The following SYT16 variants were observed in gnomAD, a reference collection of about 807,000 sequenced individuals.
The protein encoded by SYT16 is synaptotagmin 16.
Under a neutral mutation model 61.4 loss-of-function variants are expected in SYT16, and 42 were observed. The observed-to-expected ratio is 0.68, with a 90% CI of 0.53 to 0.89. The LOEUF (loss-of-function observed/expected upper bound fraction) is 0.89. SYT16 is among the 40% of genes least tolerant of loss of function. SYT16 has a pLI of 0.00. For missense variants in SYT16, 804 were observed against 807.3 expected, an observed-to-expected ratio of 1.00 and a Z score of 0.05; for synonymous variants, 314 against 302.3, an observed-to-expected ratio of 1.04 and a Z score of -0.40.
At chr14:61,966,491 A>T (rs1297825029) in intron 1 of SYT16, among the ~76,000 whole-genome samples, 2 of 152,072 alleles carry the variant, frequency 1.3e-5, no homozygotes, top group South Asian at 2.1e-4. Flanking sequence ...AATAATTAAA[A>T]CTTTTTAATA....
At chr14:61,839,421 T>A (rs1594735434) in intron 1 of SYT16, among the ~76,000 whole-genome samples, 1 of 152,334 alleles carries the variant, frequency 6.6e-6, no homozygotes, top group South Asian at 2.1e-4. Flanking sequence ...CAGTCTGTAG[T>A]ATTTTGTTAT....
intron 1 of SYT16, among the ~76,000 whole-genome samples, chr14:61,944,146 GA>G (rs2050324393): frequency 6.6e-6 from 1 of 152,114 alleles, no homozygotes; most frequent in Non-Finnish European, 1.5e-5. Flanking sequence ...GCTACAAAGA[GA>G]ATAAAATACC....
chr14:62,021,001 G>T (rs2053887458), intron 3 of SYT16, among the ~76,000 whole-genome samples: 1 of 152,094 alleles, frequency 6.6e-6, no homozygotes, highest in African/African-American at 2.4e-5. Flanking sequence ...CTCTATGTCG[G>T]TGCCCTGCTC....
At chr14:61,944,896 TTAAAC>T (rs1440945595) in intron 1 of SYT16, among the ~76,000 whole-genome samples, 1 of 152,146 alleles carries the variant, frequency 6.6e-6, no homozygotes, top group African/African-American at 2.4e-5. Context: ...ATGGGATTAA[TTAAAC>T]TAAAGAGCTT....
intron 3 of SYT16, among the ~76,000 whole-genome samples, chr14:62,015,163 T>C (rs1368645449): frequency 6.6e-6 from 1 of 152,232 alleles, no homozygotes; most frequent in Non-Finnish European, 1.5e-5. Context: ...ATATAGATTT[T>C]ATATTGTATC....
At chr14:61,932,434 C>G (rs910167788) in intron 1 of SYT16, among the ~76,000 whole-genome samples, 3 of 152,164 alleles carry the variant, frequency 2.0e-5, no homozygotes, top group Non-Finnish European at 4.4e-5. Context: ...AACTTACAAT[C>G]GTGGTGGAAG....
At chr14:61,968,347 C>G (rs1230081277) in intron 1 of SYT16, among the ~76,000 whole-genome samples, 1 of 151,998 alleles carries the variant, frequency 6.6e-6, no homozygotes, top group Non-Finnish European at 1.5e-5. Flanking sequence ...GGTTGAGGAG[C>G]ATGTGGTGGT....
intron 1 of SYT16, among the ~76,000 whole-genome samples, chr14:61,961,786 A>C (rs929788391): frequency 4.6e-5 from 7 of 152,196 alleles, no homozygotes; most frequent in African/African-American, 1.7e-4. Flanking sequence ...AAAGGAATAT[A>C]AATTATTCTA....
At chr14:61,904,502 T>A (rs753789188) in intron 1 of SYT16, among the ~76,000 whole-genome samples, 17 of 152,244 alleles carry the variant, frequency 1.1e-4, no homozygotes, top group Non-Finnish European at 2.1e-4. Context: ...TAGGCTAAAC[T>A]TTTACGAAGA....
At chr14:61,989,391 C>T (rs764724861) in intron 2 of SYT16, among the ~76,000 whole-genome samples, 5 of 152,064 alleles carry the variant, frequency 3.3e-5, no homozygotes, top group East Asian at 1.9e-4. Context: ...GGCGAAACCC[C>T]GTTTCTACTA....
intron 3 of SYT16, among the ~76,000 whole-genome samples, chr14:62,008,826 A>G (rs2053330586): frequency 6.6e-6 from 1 of 152,112 alleles, no homozygotes; most frequent in Non-Finnish European, 1.5e-5. Flanking sequence ...GCTACATGGT[A>G]GTCAACTGTA....
chr14:61,934,812 C>G (rs1239291553), intron 1 of SYT16, among the ~76,000 whole-genome samples: 1 of 152,146 alleles, frequency 6.6e-6, no homozygotes, highest in Non-Finnish European at 1.5e-5. Context: ...TTGAAGATGA[C>G]TCTTCTCTGT....
chr14:62,000,670 C>T (rs1410631313), intron 3 of SYT16, among the ~76,000 whole-genome samples: 1 of 151,778 alleles, frequency 6.6e-6, no homozygotes, highest in African/African-American at 2.4e-5. Context: ...TTTATGATTT[C>T]ATTATATATC....
chr14:62,082,264 T>A (rs1349736743), intron 6 of SYT16, among the ~76,000 whole-genome samples: 1 of 152,134 alleles, frequency 6.6e-6, no homozygotes, highest in Non-Finnish European at 1.5e-5. Flanking sequence ...AAGTCTGGAC[T>A]GTAGTGGTGG....
At chr14:62,003,104 G>T (rs1454918953) in intron 3 of SYT16, among the ~76,000 whole-genome samples, 1 of 151,972 alleles carries the variant, frequency 6.6e-6, no homozygotes, top group Non-Finnish European at 1.5e-5. Context: ...ATGAGATTTG[G>T]GTGGGGACAC....
At position 61,819,745 on chromosome 14, in the gene SYT16, A is replaced by G. The variant is rs191292911; in HGVS notation, c.-325+6935A>G. The stretch of plus-strand genomic sequence containing the variant: ...AAAAGATTGAAGAACTGAGTGTGGT[A>G]TGGTGGAAGAGAGCACAGGCCTGGT... On this transcript the variant is annotated intron_variant, in intron 1 of 7. Transcript: ENST00000683842. Among the ~76,000 whole-genome samples the G allele has an allele frequency of 2.2e-4, 33 of 152,338 alleles. 1 individual carries two copies. The highest frequency in any genetic ancestry group is 7.2e-4 in the Admixed American group (11 of 15,296).
At chr14:61,832,394 C>T in intron 1 of SYT16, 1 of 532,238 alleles carries the variant, frequency 1.9e-6, no homozygotes, top group Non-Finnish European at 3.8e-6. Context: ...CCCACCACCG[C>T]CGCCCTCTAT....
At chr14:61,821,917 T>C (rs966715140) in intron 1 of SYT16, among the ~76,000 whole-genome samples, 6 of 152,234 alleles carry the variant, frequency 3.9e-5, no homozygotes, top group African/African-American at 1.2e-4. Context: ...TTAGATATCA[T>C]TGGGATGGTG....
chr14:62,013,711 A>G (rs1193200984), intron 3 of SYT16, among the ~76,000 whole-genome samples: 1 of 152,178 alleles, frequency 6.6e-6, no homozygotes, highest in Non-Finnish European at 1.5e-5. Flanking sequence ...CATGCCCGTA[A>G]TCCCAGAACG....
Sources: gnomAD v4.1 joint callset for allele counts (sites outside exome capture counted in the v4.1 genomes callset) on GRCh38, gnomAD v4.1.1 for gene constraint, MANE v1.5 for transcripts, NCBI Gene and HGNC (gene_info 2026-07-23, HGNC 2026-07-21) for gene names.